Variants in ATP6V0A2 observed in about 807,000 individuals in gnomAD.
ATP6V0A2 encodes the protein ATPase H+ transporting V0 subunit a2.
A neutral mutation model predicts 104.4 loss-of-function variants in ATP6V0A2; 58 were observed. That is an observed-to-expected ratio of 0.56 (90% CI 0.45 to 0.69). The LOEUF is 0.69. Ranked by LOEUF, ATP6V0A2 falls within the 30% of genes least tolerant of loss-of-function variation. The pLI, the probability that ATP6V0A2 is intolerant of heterozygous loss-of-function variation, is 0.00. For synonymous variants in ATP6V0A2, 376 were observed against 397.9 expected (o/e 0.95, Z 0.65); for missense variants, 938 against 1,062.9 (o/e 0.88, Z 1.63).
intron 17 of ATP6V0A2, chr12:123,753,961 A>C: frequency 4.0e-5 from 7 of 176,718 alleles, no homozygotes; most frequent in East Asian, 1.5e-4. Context: ...TTTCCCTGTC[A>C]GGGGCCCCTT....
At chr12:123,751,818 CTTCT>C (rs145850198) in intron 16 of ATP6V0A2, among the ~76,000 whole-genome samples, 2,227 of 151,000 alleles carry the variant, frequency 0.015, 44 homozygotes, top group African/African-American at 0.052. Flanking sequence ...GTCTTAATTT[CTTCT>C]TTAAGATTTT....
At chr12:123,722,734 T>C (rs1593888741) in intron 3 of ATP6V0A2, among the ~76,000 whole-genome samples, 1 of 152,158 alleles carries the variant, frequency 6.6e-6, no homozygotes, top group East Asian at 1.9e-4. Context: ...TCAAGCCTGA[T>C]TGATGGATCA....
intron 2 of ATP6V0A2, among the ~76,000 whole-genome samples, chr12:123,719,389 G>GTT (rs111694566): frequency 1.1e-4 from 16 of 139,654 alleles, no homozygotes; most frequent in Non-Finnish European, 1.9e-4. Flanking sequence ...GACAAAGCTT[G>GTT]TTTTTTTTTT....
chr12:123,749,172 C>T (rs951476093), intron 15 of ATP6V0A2, among the ~76,000 whole-genome samples: 1 of 152,116 alleles, frequency 6.6e-6, no homozygotes, highest in Non-Finnish European at 1.5e-5. Context: ...ACCTGTAGTC[C>T]GAGCTACTTG....
intron 6 of ATP6V0A2, chr12:123,732,751 ACCCT>A (rs1346741216): frequency 4.7e-5 from 3 of 63,416 alleles, no homozygotes; most frequent in African/African-American, 1.8e-4. Context: ...GCCCAAGCCC[ACCCT>A]CCCTCCCTCC....
rs149902738 is a variant in ATP6V0A2, at chr12:123,722,068, A to G, written c.197-283A>G. Among the ~76,000 whole-genome samples, 594 of 152,300 alleles carry G rather than the reference A, an allele frequency of 3.9e-3. 2 individuals are homozygous for G. Among genetic ancestry groups the G allele is most frequent in the African/African-American group, 0.013 (552 of 41,562 alleles). Reference sequence around the variant, plus strand: ...ATGGGTGGAATTTCAGAAAAGGTTTATCCAGGTTGTTGTTCATTCTATTTA... The same window carrying G: ...ATGGGTGGAATTTCAGAAAAGGTTTGTCCAGGTTGTTGTTCATTCTATTTA... On this transcript the variant is annotated intron_variant, in intron 2 of 19. Coordinates refer to ENST00000330342, the MANE Select transcript of ATP6V0A2 (RefSeq NM_012463.4).
intron 15 of ATP6V0A2, chr12:123,750,438 C>T (rs1027793245): frequency 6.5e-6 from 1 of 154,426 alleles, no homozygotes; most frequent in African/African-American, 2.4e-5. Flanking sequence ...GATAATACAG[C>T]TTTGTGCCTG....
rs1361631383 is a variant in ATP6V0A2 at position 123,755,552 on chromosome 12, T to TAA, written c.2293+1029_2293+1030dup. On this transcript the variant is annotated intron_variant, in intron 18 of 19. Transcript: ENST00000330342. ...CTCTGTCTCAAAAAAAAAAAAAAGC[T>TAA]AAAAAAAAAAAAAAATAGGACAATT... Among the ~76,000 whole-genome samples the TAA allele has an allele frequency of 1.8e-3, 195 of 107,434 alleles. 1 individual carries two copies. Among genetic ancestry groups the TAA allele is most frequent in the African/African-American group, 5.8e-3 (179 of 31,066 alleles). The allele number at this position is 107,434 out of a possible 152,430, so 70.5% of individuals were successfully genotyped here. A position where few individuals can be genotyped will look rare whatever the true frequency, so the allele number is the denominator to read the frequency against.
intron 9 of ATP6V0A2, among the ~76,000 whole-genome samples, chr12:123,742,267 T>G (rs1266522165): frequency 6.6e-6 from 1 of 152,218 alleles, no homozygotes; most frequent in Non-Finnish European, 1.5e-5. Flanking sequence ...TTCTGGCCAT[T>G]TTTGGTGTTG....
rs764810631 is a variant in ATP6V0A2 at position 123,747,574 on chromosome 12, G to A, written c.1606-33G>A. 4.2e-6 allele frequency: 6 copies of A among 1,413,120 alleles called. No homozygotes were observed. The South Asian group carries it at 5.7e-5, about 14-fold the overall frequency. The allele number at this position is 1,413,120 out of a possible 1,614,324, so 87.5% of individuals were successfully genotyped here. Reference sequence around the variant, plus strand: ...GTGTCACCTGTTGAAGGAAGTTAAAGATTCTGTTTTGTCTTGTTTGGTTTG... The same window carrying A: ...GTGTCACCTGTTGAAGGAAGTTAAAAATTCTGTTTTGTCTTGTTTGGTTTG... On this transcript the variant is annotated intron_variant, in intron 13 of 19. Transcript: ENST00000330342.
chr12:123,750,713 C>G (rs1207401396), intron 15 of ATP6V0A2: 1 of 263,448 alleles, frequency 3.8e-6, no homozygotes, highest in Non-Finnish European at 7.5e-6. Flanking sequence ...GATTCACACT[C>G]ATAGTCCTCA....
chr12:123,735,385 C>T (rs762064161), intron 7 of ATP6V0A2, 146 bp from the exon 8 acceptor site: 85 of 726,812 alleles, frequency 1.2e-4, no homozygotes, highest in African/African-American at 1.1e-3. Context: ...ATGCACAGCC[C>T]GACCAAGGGC....
intron 13 of ATP6V0A2, among the ~76,000 whole-genome samples, chr12:123,745,988 T>G (rs1286777573): frequency 6.6e-6 from 1 of 152,260 alleles, no homozygotes; most frequent in African/African-American, 2.4e-5. Context: ...TAGTGTGTTC[T>G]GTTTATTCTT....
rs772770008 is a variant in ATP6V0A2 at position 123,758,523 on chromosome 12, C to CT, written c.*506dup. ...ATTCTGCTGGATTTAAAAATATGTACTTTTTTTTTTTTTTTGAGATGAAGT... is the reference window on the plus strand; with the variant it reads ...ATTCTGCTGGATTTAAAAATATGTACTTTTTTTTTTTTTTTTGAGATGAAGT... On this transcript the variant is annotated 3_prime_UTR_variant, in exon 20 of 20. Coordinates refer to ENST00000330342, the MANE Select transcript of ATP6V0A2 (RefSeq NM_012463.4). 4.0e-3 allele frequency: 558 copies of CT among 140,026 alleles called. No homozygotes were observed. Among genetic ancestry groups the CT allele is most frequent in the East Asian group, 0.02 (98 of 4,830 alleles). The allele number at this position is 140,026 out of a possible 1,614,324, so 8.7% of individuals were successfully genotyped here.
chr12:123,726,319 A>G, intron 5 of ATP6V0A2, 34 bp downstream of exon 5: 2 of 1,491,936 alleles, frequency 1.3e-6, no homozygotes, highest in Non-Finnish European at 1.9e-6. Context: ...CAGGCTTCAT[A>G]CTGCCCTTCT....
At chr12:123,737,325 G>A (rs1356595777) in intron 9 of ATP6V0A2, 54 bp downstream of exon 9, 1 of 1,541,232 alleles carries the variant, frequency 6.5e-7, no homozygotes, top group Non-Finnish European at 9.0e-7. Context: ...TGATGGAACT[G>A]ATAAATTCAG....
At chr12:123,741,425 G>A (rs1956608015) in intron 9 of ATP6V0A2, among the ~76,000 whole-genome samples, 1 of 152,018 alleles carries the variant, frequency 6.6e-6, no homozygotes, top group Admixed American at 6.6e-5. Context: ...TGGTGAAGAT[G>A]CTTAGCTGCT....
Position 123,745,433 on chromosome 12 carries a change from G to A in ATP6V0A2, c.1605+461G>A, listed in dbSNP as rs543518188. 2.0e-5 allele frequency among the ~76,000 whole-genome samples: 3 copies of A among 152,114 alleles called. No homozygotes were observed. The South Asian group carries it at 6.2e-4, about 31-fold the overall frequency. ...AAAAGTGTTAATAGAAAGAAAATGG[G>A]GAAGTACTCACGCCTGTAATTCCAG... On this transcript the variant is annotated intron_variant, in intron 13 of 19. Transcript: ENST00000330342.
chr12:123,744,004 A>G lies in ATP6V0A2; in HGVS notation c.1189+69A>G. ...GTTGCATTCTTGCTCTAAGAATGGAATAGATATTTGGAAAGAGAGGCTGAC... is the reference window on the plus strand; with the variant it reads ...GTTGCATTCTTGCTCTAAGAATGGAGTAGATATTTGGAAAGAGAGGCTGAC... On this transcript the variant is annotated intron_variant, in intron 10 of 19. Transcript: ENST00000330342. This position sits in a 1 kb window ranked among gnomAD's most constrained non-coding sequence, Gnocchi z 5.4. The G allele has an allele frequency of 3.1e-6, 5 of 1,598,786 alleles. No individual in the cohort carries two copies. The South Asian group carries it at 5.5e-5, about 18-fold the overall frequency.
Sources: gnomAD v4.1 joint callset for allele counts (sites outside exome capture counted in the v4.1 genomes callset) on GRCh38, gnomAD v4.1.1 for gene constraint, Gnocchi (gnomAD v3.1) non-coding constraint, MANE v1.5 for transcripts, NCBI Gene and HGNC (gene_info 2026-07-23, HGNC 2026-07-21) for gene names.